The following ACVR1C variants were observed in gnomAD, a reference collection of about 807,000 sequenced individuals.
The protein encoded by ACVR1C is activin receptor type-1C.
A neutral mutation model predicts 57.9 loss-of-function variants in ACVR1C; 23 were observed. That is an observed-to-expected ratio of 0.40 (90% CI 0.29 to 0.56). The LOEUF (loss-of-function observed/expected upper bound fraction) is 0.56, where lower values mean the gene tolerates loss of function less well. Ranked by LOEUF, ACVR1C falls within the 20% of genes least tolerant of loss-of-function variation. The pLI, the probability that ACVR1C is intolerant of heterozygous loss-of-function variation, is 0.50. For synonymous variants in ACVR1C, 214 were observed against 215.3 expected (o/e 0.99, Z 0.05); for missense variants, 480 against 607.9 (o/e 0.79, Z 2.21).
In ACVR1C at chr2:157,556,331, T is replaced by C; in HGVS notation, c.306A>G (p.Ala102=). ...GTCCAAGTTTTGGGGCATTTGGTGA[T>C]GCTACAGTTTAAAGAAGAAAGAACA... ...CNNITLHLPT[A]SPNAPKLGPM... The change falls in exon 3 of 9, where the codon GCA becomes GCG. Residue 102 remains alanine (A), a splice_region_variant and synonymous_variant. Transcript: ENST00000243349. 1 of 1,613,680 alleles carries C rather than the reference T, an allele frequency of 6.2e-7. No homozygotes were observed. Among genetic ancestry groups the C allele is most frequent in the Non-Finnish European group, 8.5e-7 (1 of 1,179,658 alleles).
intron 4 of ACVR1C, among the ~76,000 whole-genome samples, chr2:157,544,916 C>T (rs1033158758): frequency 6.6e-6 from 1 of 152,056 alleles, no homozygotes; most frequent in Non-Finnish European, 1.5e-5. Flanking sequence ...CAATAGTAAC[C>T]ACATTATAGG....
chr2:157,600,177 C>T (rs1390525426), intron 1 of ACVR1C, among the ~76,000 whole-genome samples: 1 of 152,126 alleles, frequency 6.6e-6, no homozygotes, highest in African/African-American at 2.4e-5. Flanking sequence ...TAAAGACTGA[C>T]ATGAATAATC....
chr2:157,606,436 C>T (rs778068158), intron 1 of ACVR1C, among the ~76,000 whole-genome samples: 12 of 151,842 alleles, frequency 7.9e-5, no homozygotes, highest in Non-Finnish European at 1.0e-4. Flanking sequence ...TAAGAGTTCA[C>T]TTTTCTGTGG....
At chr2:157,549,603 C>G (rs928068987) in intron 4 of ACVR1C, among the ~76,000 whole-genome samples, 1 of 152,052 alleles carries the variant, frequency 6.6e-6, no homozygotes, top group African/African-American at 2.4e-5. Context: ...CACTCATTTG[C>G]CCTGCTTCAT....
At chr2:157,548,218 C>A (rs1235673024) in intron 4 of ACVR1C, among the ~76,000 whole-genome samples, 2 of 150,742 alleles carry the variant, frequency 1.3e-5, no homozygotes, top group African/African-American at 4.9e-5. Flanking sequence ...ATCCAACTTA[C>A]AAGGGATGTG....
chr2:157,548,048 T>C (rs1002043561), intron 4 of ACVR1C, among the ~76,000 whole-genome samples: 3 of 152,080 alleles, frequency 2.0e-5, no homozygotes, highest in African/African-American at 7.2e-5. Context: ...CAGCCCAAAA[T>C]CTCCTTAAGC....
At chr2:157,620,034 G>A (rs114419439) in intron 1 of ACVR1C, among the ~76,000 whole-genome samples, 155 of 152,098 alleles carry the variant, frequency 1.0e-3, no homozygotes, top group African/African-American at 3.5e-3. Context: ...TCTTGATTTG[G>A]CACAATAACT....
rs1461838459 is a variant in ACVR1C at position 157,527,959 on chromosome 2, A to C, written c.*5959T>G. The stretch of plus-strand genomic sequence containing the variant: ...ATTGTCTGGGTTGAAAAATTAAACC[A>C]ACATGATAAACAATCAATTTCTCTT... On this transcript the variant is annotated 3_prime_UTR_variant, in exon 9 of 9. Coordinates refer to ENST00000243349, the MANE Select transcript of ACVR1C (RefSeq NM_145259.3). 1 of 152,150 alleles carries C rather than the reference A, an allele frequency of 6.6e-6. No individual in the cohort carries two copies. The highest frequency in any genetic ancestry group is 2.4e-5 in the African/African-American group (1 of 41,442). 9.4% of individuals were successfully genotyped at this position (152,150 alleles called of 1,614,324 possible).
rs1687297566 is a variant in ACVR1C, at chr2:157,528,992, T to C, written c.*4926A>G. On this transcript the variant is annotated 3_prime_UTR_variant, in exon 9 of 9. Transcript: ENST00000243349. ...GAATTATAGAGTGACTTGGGATTGATGAGATCTGCCAAACATTTTTTAATG... is the reference window on the plus strand; with the variant it reads ...GAATTATAGAGTGACTTGGGATTGACGAGATCTGCCAAACATTTTTTAATG... 1 of 152,078 alleles carries C rather than the reference T, an allele frequency of 6.6e-6. No individual in the cohort carries two copies. Among genetic ancestry groups the C allele is most frequent in the African/African-American group, 2.4e-5 (1 of 41,426 alleles). 9.4% of individuals were successfully genotyped at this position (152,078 alleles called of 1,614,324 possible).
chr2:157,601,126 T>C (rs552602837), intron 1 of ACVR1C, among the ~76,000 whole-genome samples: 105 of 152,162 alleles, frequency 6.9e-4, no homozygotes, highest in African/African-American at 2.1e-3. Flanking sequence ...GAGACCAGCC[T>C]AGCCAACATG....
rs1466950725 is a variant in ACVR1C, at chr2:157,533,605, AAACTT to A, written c.*308_*312del. The A allele has an allele frequency of 6.1e-6, 1 of 164,230 alleles. No homozygotes were observed. Among genetic ancestry groups the A allele is most frequent in the African/African-American group, 2.4e-5 (1 of 41,908 alleles). 10.2% of individuals were successfully genotyped at this position (164,230 alleles called of 1,614,324 possible). On this transcript the variant is annotated 3_prime_UTR_variant, in exon 9 of 9. Transcript: ENST00000243349. ...TGTGCTCTTGGTTCAAGTAAAATAA[AAACTT>A]AATGACTATAACATTTTTATAGAGC...
chr2:157,575,268 G>T (rs921096407), intron 2 of ACVR1C, among the ~76,000 whole-genome samples: 1 of 152,102 alleles, frequency 6.6e-6, no homozygotes, highest in Non-Finnish European at 1.5e-5. Context: ...GAGTAGCTGG[G>T]ATTACAGGCA....
intron 7 of ACVR1C, 140 bp from the exon 8 acceptor site, chr2:157,538,843 A>C (rs1687549873): frequency 5.3e-6 from 3 of 563,868 alleles, no homozygotes; most frequent in East Asian, 7.3e-5. Flanking sequence ...ATAATGTGTC[A>C]CTATAAAATC....
chr2:157,572,960 T>G (rs1688556644), intron 2 of ACVR1C, among the ~76,000 whole-genome samples: 1 of 152,102 alleles, frequency 6.6e-6, no homozygotes, highest in Non-Finnish European at 1.5e-5. Context: ...ACATGTCACC[T>G]TTTCCTGACT....
chr2:157,554,221 A>G (rs530941536), intron 3 of ACVR1C, among the ~76,000 whole-genome samples: 55 of 112,846 alleles, frequency 4.9e-4, no homozygotes, highest in South Asian at 3.3e-3. Flanking sequence ...GAAAGAAAGA[A>G]AGAAAGAAAG....
At chr2:157,583,390 GA>G (rs571541809) in intron 2 of ACVR1C, among the ~76,000 whole-genome samples, 12 of 150,468 alleles carry the variant, frequency 8.0e-5, no homozygotes, top group South Asian at 4.2e-4. Flanking sequence ...AATAGGTGAA[GA>G]AAAAAAAATA....
chr2:157,572,222 C>T (rs1192991453), intron 2 of ACVR1C, among the ~76,000 whole-genome samples: 1 of 115,590 alleles, frequency 8.7e-6, no homozygotes, highest in Non-Finnish European at 1.7e-5. Flanking sequence ...GTGGTGGGGT[C>T]GGGGGAGGGG....
At chr2:157,622,158 T>C (rs1452861928) in intron 1 of ACVR1C, among the ~76,000 whole-genome samples, 1 of 152,150 alleles carries the variant, frequency 6.6e-6, no homozygotes, top group Non-Finnish European at 1.5e-5. Flanking sequence ...AGATTTTGAC[T>C]ATTGACTGTG....
chr2:157,541,029 C>T, intron 7 of ACVR1C, 61 bp downstream of exon 7: 3 of 1,550,892 alleles, frequency 1.9e-6, no homozygotes, highest in Non-Finnish European at 2.6e-6. Context: ...GATAGAATAT[C>T]ACATCTTGTA....
Sources: gnomAD v4.1 joint callset for allele counts (sites outside exome capture counted in the v4.1 genomes callset) on GRCh38, gnomAD v4.1.1 for gene constraint, MANE v1.5 for transcripts, NCBI Gene and HGNC (gene_info 2026-07-23, HGNC 2026-07-21) for gene names.